Variants in SRPX observed in about 807,000 individuals in gnomAD.
SRPX encodes sushi repeat-containing protein SRPX.
A neutral mutation model predicts 38.1 loss-of-function variants in SRPX; 24 were observed. The observed-to-expected ratio is 0.63, with a 90% CI of 0.46 to 0.89. The LOEUF is 0.89. Among genes scored for constraint, SRPX ranks in the 40% least tolerant of loss-of-function variants. SRPX has a pLI of 0.00. For synonymous variants in SRPX, 184 were observed against 153.8 expected, an observed-to-expected ratio of 1.20 and a Z score of -1.45; for missense variants, 416 against 377.8, an observed-to-expected ratio of 1.10 and a Z score of -0.84.
chrX:38,165,466 T>G (rs1174370079), intron 4 of SRPX, among the ~76,000 whole-genome samples: 2 of 111,906 alleles, frequency 1.8e-5, no homozygotes, highest in East Asian at 5.6e-4. Context: ...GGGATTACAT[T>G]ATCACACATG....
chrX:38,202,717 T>C (rs981367773), intron 1 of SRPX, among the ~76,000 whole-genome samples: 1 of 112,196 alleles, frequency 8.9e-6, no homozygotes, highest in African/African-American at 3.2e-5. Flanking sequence ...ACTCTACACA[T>C]AACTTTGACA....
chrX:38,212,725 G>A (rs1357256228), intron 1 of SRPX, among the ~76,000 whole-genome samples: 1 of 111,253 alleles, frequency 9.0e-6, no homozygotes, highest in Non-Finnish European at 1.9e-5. Flanking sequence ...TGACATCCAG[G>A]ACTACATAGA....
At chrX:38,181,533 G>A (rs950395933) in intron 1 of SRPX, among the ~76,000 whole-genome samples, 44 of 111,569 alleles carry the variant, frequency 3.9e-4, no homozygotes, top group Non-Finnish European at 9.4e-5. Flanking sequence ...TGTGTGGTAG[G>A]GAGGATAGTG....
At chrX:38,204,215 T>C (rs776764034) in intron 1 of SRPX, among the ~76,000 whole-genome samples, 7 of 111,723 alleles carry the variant, frequency 6.3e-5, no homozygotes, top group Non-Finnish European at 1.3e-4. Flanking sequence ...ACTAGCAAGG[T>C]TTTGCAGATA....
chrX:38,220,032 A>C (rs1274410863), intron 1 of SRPX, among the ~76,000 whole-genome samples: 1 of 113,188 alleles, frequency 8.8e-6, no homozygotes, highest in African/African-American at 3.2e-5. Context: ...TCCAGGAATA[A>C]GCCGCACCCT....
At chrX:38,219,379 C>A (rs754540725) in intron 1 of SRPX, among the ~76,000 whole-genome samples, 107 of 110,450 alleles carry the variant, frequency 9.7e-4, no homozygotes, top group African/African-American at 3.4e-3. Flanking sequence ...TTAATGACTT[C>A]CTCTTCCCCT....
intron 1 of SRPX, among the ~76,000 whole-genome samples, chrX:38,180,591 T>C (rs778666939): frequency 8.9e-6 from 1 of 112,201 alleles, no homozygotes; most frequent in South Asian, 3.7e-4. Context: ...CAAAACCAGA[T>C]TCCTTTTCTT....
Position 38,153,302 on chromosome X carries a change from CTTTTTTT to C in SRPX, c.1211+1153_1211+1159del, listed in dbSNP as rs58888978. Among the ~76,000 whole-genome samples the C allele has an allele frequency of 2.0e-4, 11 of 54,738 alleles. 1 individual carries two copies. Among genetic ancestry groups the C allele is most frequent in the East Asian group, 5.5e-4 (1 of 1,814 alleles). The allele number at this position is 54,738 out of a possible 115,157, so 47.5% of individuals were successfully genotyped here. ...GAGTTTTTTCTTTCTTTCTTTCTTT[CTTTTTTT>C]TTTTTTTTTTTTTTTTTTACCTTGG... On this transcript the variant is annotated intron_variant, in intron 9 of 9. Coordinates refer to ENST00000378533, the MANE Select transcript of SRPX (RefSeq NM_006307.5).
At position 38,152,680 on chromosome X, in the gene SRPX, A is replaced by T. The variant is rs1383212287; in HGVS notation, c.1211+1782T>A. Among the ~76,000 whole-genome samples, 3 of 112,538 alleles carry T rather than the reference A, an allele frequency of 2.7e-5. No individual in the cohort carries two copies. In the East Asian group the frequency reaches 8.3e-4, roughly 31 times the overall value. On this transcript the variant is annotated intron_variant, in intron 9 of 9. Coordinates refer to ENST00000378533, the MANE Select transcript of SRPX (RefSeq NM_006307.5). The stretch of plus-strand genomic sequence containing the variant: ...AATATATACAATCTGAATGACAAGT[A>T]TTTTTTAATCACATTTTTCTGTTCT...
chrX:38,219,448 C>G (rs2147135741), intron 1 of SRPX, among the ~76,000 whole-genome samples: 1 of 111,436 alleles, frequency 9.0e-6, no homozygotes, highest in Non-Finnish European at 1.9e-5. Context: ...TATTAACACA[C>G]CATGGGAATA....
At chrX:38,180,343 G>C (rs1225087999) in intron 1 of SRPX, among the ~76,000 whole-genome samples, 1 of 111,150 alleles carries the variant, frequency 9.0e-6, no homozygotes, top group Non-Finnish European at 1.9e-5. Flanking sequence ...AGACTCTCTG[G>C]ACAGCACATC....
intron 9 of SRPX, among the ~76,000 whole-genome samples, chrX:38,150,356 G>A (rs530180019): frequency 6.1e-4 from 68 of 111,975 alleles, no homozygotes; most frequent in African/African-American, 2.0e-3. Flanking sequence ...AGTGTTGCAC[G>A]ACCACATACA....
At chrX:38,195,864 A>G (rs1315744572) in intron 1 of SRPX, among the ~76,000 whole-genome samples, 1 of 112,010 alleles carries the variant, frequency 8.9e-6, no homozygotes, top group African/African-American at 3.2e-5. Flanking sequence ...AAGAGTAACG[A>G]GATCCCAGCT....
chrX:38,205,906 A>T (rs1452488080), intron 1 of SRPX, among the ~76,000 whole-genome samples: 2 of 112,485 alleles, frequency 1.8e-5, no homozygotes, highest in Non-Finnish European at 3.8e-5. Flanking sequence ...CCAGCTCTGT[A>T]GTGGATTGCC....
chrX:38,160,506 C>A (rs1196246371), intron 6 of SRPX, among the ~76,000 whole-genome samples: 1 of 111,702 alleles, frequency 9.0e-6, no homozygotes, highest in African/African-American at 3.3e-5. Flanking sequence ...ATAAAATAAT[C>A]CTTAAAAACA....
intron 1 of SRPX, among the ~76,000 whole-genome samples, chrX:38,187,723 C>A (rs948012582): frequency 1.8e-5 from 2 of 112,009 alleles, no homozygotes; most frequent in Non-Finnish European, 3.8e-5. Context: ...CAGAAATGGG[C>A]TAACAAAGGG....
chrX:38,163,945 T>C (rs146614888), intron 5 of SRPX, among the ~76,000 whole-genome samples: 2,442 of 111,518 alleles, frequency 0.022, 71 homozygotes, highest in African/African-American at 0.075. Flanking sequence ...CCAGTGCAGG[T>C]AATGGCCTGG....
chrX:38,174,030 C>T, intron 3 of SRPX, 130 bp downstream of exon 3: 1 of 448,980 alleles, frequency 2.2e-6, no homozygotes, highest in Non-Finnish European at 3.3e-6. Flanking sequence ...ATCTTAGAAT[C>T]CCCCTGGTGT....
chrX:38,179,566 G>A (rs1263444888), intron 1 of SRPX, among the ~76,000 whole-genome samples: 9 of 111,700 alleles, frequency 8.1e-5, no homozygotes, highest in Non-Finnish European at 1.5e-4. Context: ...TCCACTGTGA[G>A]GTTATTCAAA....
Sources: allele counts gnomAD v4.1 joint callset (sites outside exome capture counted in the v4.1 genomes callset), GRCh38; gene constraint gnomAD v4.1.1; transcripts MANE v1.5; gene names NCBI Gene and HGNC (gene_info 2026-07-23, HGNC 2026-07-21).